YEATS4: variants seen among roughly 807,000 people sequenced by gnomAD.
The protein encoded by YEATS4 is YEATS domain containing 4.
YEATS4 carries 17 observed loss-of-function variants against 30.1 expected under a neutral mutation model. The observed-to-expected ratio is 0.56, with a 90% CI of 0.39 to 0.85. The LOEUF (loss-of-function observed/expected upper bound fraction) is 0.85, where lower values mean the gene tolerates loss of function less well. Ranked by LOEUF, YEATS4 falls within the 40% of genes least tolerant of loss-of-function variation. The probability of loss-of-function intolerance (pLI) is 0.00; values close to 1 mark genes in which losing one functional copy is unlikely to be tolerated. For synonymous variants in YEATS4, 85 were observed against 87.5 expected (o/e 0.97, Z 0.16); for missense variants, 142 against 268.3 (o/e 0.53, Z 3.29).
chr12:69,393,270 G>A (rs1272815640), downstream of YEATS4, among the ~76,000 whole-genome samples: 1 of 152,034 alleles, frequency 6.6e-6, no homozygotes, highest in Non-Finnish European at 1.5e-5. Context: ...GTGAGACCTG[G>A]TCTCTACAAA....
chr12:69,403,393 A>G, the YEATS4 span, among the ~76,000 whole-genome samples: 6 of 152,074 alleles, frequency 3.9e-5, no homozygotes, highest in African/African-American at 1.4e-4. Flanking sequence ...CCCGGCCAAC[A>G]TGGCAAAACC....
chr12:69,402,436 C>G, the YEATS4 span, among the ~76,000 whole-genome samples: 1 of 152,146 alleles, frequency 6.6e-6, no homozygotes, highest in African/African-American at 2.4e-5. Flanking sequence ...GTGACCATAA[C>G]TAAGCTATTT....
intron 6 of YEATS4, among the ~76,000 whole-genome samples, chr12:69,382,152 AC>A (rs1876103441): frequency 6.6e-6 from 1 of 152,240 alleles, no homozygotes; most frequent in Non-Finnish European, 1.5e-5. Context: ...AGGGGATGAT[AC>A]AGAAATCCAA....
At position 69,362,818 on chromosome 12, in the gene YEATS4, GGTAATGTT is replaced by G; in HGVS notation, c.84_91del (p.Asn29SerfsTer24). On this transcript the variant is annotated frameshift_variant, in exon 2 of 7. Coordinates refer to ENST00000247843, the MANE Select transcript of YEATS4 (RefSeq NM_006530.4). LOFTEE classifies it high-confidence loss of function. ...TACTATCGTTAAACCAATAGTTTAC[GGTAATGTT>G]GCTCGGTATTTTGGAAAGAAAAGAG... 6.2e-7 allele frequency: 1 copy of G among 1,610,510 alleles called. No individual in the cohort carries two copies. Among genetic ancestry groups the G allele is most frequent in the Non-Finnish European group, 8.5e-7 (1 of 1,177,812 alleles).
At chr12:69,374,220 A>T (rs1225197039) in intron 6 of YEATS4, among the ~76,000 whole-genome samples, 2 of 151,988 alleles carry the variant, frequency 1.3e-5, no homozygotes, top group African/African-American at 2.4e-5. Context: ...TGCTTTGGGA[A>T]GTATGGGCAT....
At chr12:69,365,405 C>A (rs1353505466) in intron 2 of YEATS4, among the ~76,000 whole-genome samples, 1 of 149,540 alleles carries the variant, frequency 6.7e-6, no homozygotes, top group African/African-American at 2.5e-5. Flanking sequence ...GAGCCAAGAT[C>A]ATGCCACTGC....
intron 6 of YEATS4, among the ~76,000 whole-genome samples, chr12:69,383,307 C>T (rs983998718): frequency 6.6e-6 from 1 of 151,748 alleles, no homozygotes; most frequent in Non-Finnish European, 1.5e-5. Context: ...TGTGGGATGT[C>T]TGTAAGACAT....
chr12:69,419,027 A>ATATT, the YEATS4 span, among the ~76,000 whole-genome samples: 1 of 147,346 alleles, frequency 6.8e-6, no homozygotes, highest in South Asian at 2.1e-4. Flanking sequence ...ATATATATAT[A>ATATT]TATATATGTA....
chr12:69,375,659 G>A (rs1005582171), intron 6 of YEATS4, among the ~76,000 whole-genome samples: 1 of 152,196 alleles, frequency 6.6e-6, no homozygotes, highest in Non-Finnish European at 1.5e-5. Flanking sequence ...CCGGCACCTC[G>A]GGAGGCCAAG....
At chr12:69,363,047 C>CA in intron 2 of YEATS4, 140 bp downstream of exon 2, 1 of 692,514 alleles carries the variant, frequency 1.4e-6, no homozygotes, top group Non-Finnish European at 1.9e-6. Context: ...GGCTGGAGTG[C>CA]AGTGGCGCGA....
At position 69,365,903 on chromosome 12, in the gene YEATS4, T is replaced by C; in HGVS notation, c.333+19T>C. 1 of 1,506,166 alleles carries C rather than the reference T, an allele frequency of 6.6e-7. No individual in the cohort carries two copies. Among genetic ancestry groups the C allele is most frequent in the Non-Finnish European group, 9.0e-7 (1 of 1,106,230 alleles). The allele number at this position is 1,506,166 out of a possible 1,614,324, so 93.3% of individuals were successfully genotyped here. On this transcript the variant is annotated intron_variant, in intron 4 of 6. Transcript: ENST00000247843. ...AAGACCTGTGAGTAGCATTAATCTT[T>C]GTAAATATAAAATAGATTTCTTAGT... is the stretch of plus-strand genomic sequence containing the variant.
chr12:69,410,811 G>T, the YEATS4 span, among the ~76,000 whole-genome samples: 1 of 152,120 alleles, frequency 6.6e-6, no homozygotes, highest in Non-Finnish European at 1.5e-5. Flanking sequence ...AAGACCACAT[G>T]CACAGGGCCA....
intron 6 of YEATS4, among the ~76,000 whole-genome samples, chr12:69,380,350 G>A (rs1037576097): frequency 6.6e-6 from 1 of 152,226 alleles, no homozygotes; most frequent in African/African-American, 2.4e-5. Flanking sequence ...GGTTCTTGCA[G>A]ATTTGTAGGG....
intron 4 of YEATS4, 143 bp downstream of exon 4, chr12:69,366,027 C>A: frequency 1.3e-5 from 6 of 454,632 alleles, no homozygotes; most frequent in South Asian, 5.1e-5. Flanking sequence ...TTAAGTTTTT[C>A]ATTTTTAAAT....
At chr12:69,388,173 G>C (rs911447398) in intron 6 of YEATS4, among the ~76,000 whole-genome samples, 1 of 151,820 alleles carries the variant, frequency 6.6e-6, no homozygotes, top group African/African-American at 2.4e-5. Context: ...CCATTCTCCC[G>C]CCTCAGCCTC....
intron 6 of YEATS4, among the ~76,000 whole-genome samples, chr12:69,376,045 G>T (rs557140246): frequency 2.0e-5 from 3 of 152,048 alleles, no homozygotes; most frequent in African/African-American, 7.2e-5. Context: ...AGCTTTTTTG[G>T]TGGAGTCTTT....
At chr12:69,420,562 T>C in the YEATS4 span, among the ~76,000 whole-genome samples, 1 of 151,964 alleles carries the variant, frequency 6.6e-6, no homozygotes, top group Non-Finnish European at 1.5e-5. Context: ...ATTTGGCAGC[T>C]CTTGACAAAA....
the YEATS4 span, among the ~76,000 whole-genome samples, chr12:69,402,285 A>C: frequency 2.6e-5 from 4 of 152,058 alleles, no homozygotes; most frequent in African/African-American, 4.8e-5. Context: ...TACATAGCTC[A>C]CTACATGTCA....
chr12:69,402,011 T>G, the YEATS4 span, among the ~76,000 whole-genome samples: 1 of 152,204 alleles, frequency 6.6e-6, no homozygotes, highest in Non-Finnish European at 1.5e-5. Context: ...CTTCAGACGG[T>G]AAGCTTTTTG....
Sources: gnomAD v4.1 joint callset for allele counts (sites outside exome capture counted in the v4.1 genomes callset) on GRCh38, gnomAD v4.1.1 for gene constraint, MANE v1.5 for transcripts, NCBI Gene and HGNC (gene_info 2026-07-23, HGNC 2026-07-21) for gene names.